ZNF554: variants seen among roughly 807,000 people sequenced by gnomAD.
The protein encoded by ZNF554 is zinc finger protein 554.
ZNF554 carries 15 observed loss-of-function variants against 21.2 expected under a neutral mutation model. The observed-to-expected ratio is 0.71, with a 90% CI of 0.47 to 1.09. The LOEUF is 1.09. Ranked by LOEUF, ZNF554 falls within the 50% of genes least tolerant of loss-of-function variation. The pLI is 0.00. For synonymous variants in ZNF554, 258 were observed against 251.4 expected, an observed-to-expected ratio of 1.03 and a Z score of -0.25; for missense variants, 691 against 662.7, an observed-to-expected ratio of 1.04 and a Z score of -0.47.
intron 2 of ZNF554, among the ~76,000 whole-genome samples, chr19:2,824,569 A>G (rs1350952402): frequency 2.0e-5 from 3 of 152,252 alleles, no homozygotes; most frequent in Admixed American, 6.5e-5. Flanking sequence ...GATAAAACAC[A>G]CATGAAATAC....
chr19:2,826,822 C>T (rs770355406), intron 2 of ZNF554, among the ~76,000 whole-genome samples: 14 of 151,946 alleles, frequency 9.2e-5, no homozygotes, highest in Admixed American at 4.6e-4. Flanking sequence ...CCATCATGCC[C>T]GGCTAATTTT....
rs371773355 is a variant in ZNF554 at position 2,833,989 on chromosome 19, A to G, written c.754A>G (p.Thr252Ala). Residue 252 changes from threonine to alanine, a missense_variant, in exon 5 of 5, where the codon ACA (threonine) becomes GCA (alanine). By Grantham distance (58) the Thr-to-Ala change is moderately conservative. Coordinates refer to ENST00000317243, the MANE Select transcript of ZNF554 (RefSeq NM_001102651.2). ...NHLCGSELDI[T>A]SLASDSVLNH... ...CTTGTGTGGCAGCGAGTTAGATATT[A>G]CAAGCTTGGCATCCGATTCAGTCTT... The G allele has an allele frequency of 6.2e-7, 1 of 1,614,032 alleles. No homozygotes were observed. The highest frequency in any genetic ancestry group is 8.5e-7 in the Non-Finnish European group (1 of 1,180,054).
At chr19:2,823,133 C>T (rs1460469592) in intron 2 of ZNF554, 21 bp downstream of exon 2, 1 of 1,607,716 alleles carries the variant, frequency 6.2e-7, no homozygotes. Context: ...CTCATTCTCC[C>T]AAAGGGCACC....
At position 2,834,890 on chromosome 19, in the gene ZNF554, C is replaced by CT. The variant is rs2087480014; in HGVS notation, c.*39dup. 5 of 1,509,814 alleles carry CT rather than the reference C, an allele frequency of 3.3e-6. No individual in the cohort carries two copies. The highest frequency in any genetic ancestry group is 4.5e-6 in the Non-Finnish European group (5 of 1,118,338). 93.5% of individuals were successfully genotyped at this position (1,509,814 alleles called of 1,614,324 possible). On this transcript the variant is annotated 3_prime_UTR_variant, in exon 5 of 5. Transcript: ENST00000317243. ...GCTTTGTAAGCCACTTTTTAGTACT[C>CT]TGACACATACATGTGGTTATCTTTT...
At chr19:2,833,539 C>T (rs975139879) in intron 4 of ZNF554, 142 bp from the exon 5 acceptor site, 3 of 632,704 alleles carry the variant, frequency 4.7e-6, no homozygotes, top group Non-Finnish European at 7.5e-6. Context: ...CTCTTTTTCC[C>T]ATCCTTCCCG....
At chr19:2,827,861 G>A in intron 3 of ZNF554, 118 bp downstream of exon 3, 1 of 1,290,824 alleles carries the variant, frequency 7.7e-7, no homozygotes, top group South Asian at 1.4e-5. Flanking sequence ...AAAGGAAAGG[G>A]GGTTTAATGG....
At chr19:2,824,159 T>A (rs2087298050) in intron 2 of ZNF554, among the ~76,000 whole-genome samples, 1 of 152,134 alleles carries the variant, frequency 6.6e-6, no homozygotes, top group Non-Finnish European at 1.5e-5. Context: ...GTCCTGCGCC[T>A]GGGAGGACAG....
rs879180341 is a variant in ZNF554, at chr19:2,822,944, C to A, written c.54-96C>A. 8 of 1,301,898 alleles carry A rather than the reference C, an allele frequency of 6.1e-6. No individual in the cohort carries two copies. In the South Asian group the frequency reaches 1.1e-4, roughly 17 times the overall value. 80.6% of individuals were successfully genotyped at this position (1,301,898 alleles called of 1,614,324 possible). Reference sequence around the variant, plus strand: ...TTTACCTCCCTCTGTGTATGGGGGGCCCCTTCAAGCAAATGGAGGTTCTCC... The same window carrying A: ...TTTACCTCCCTCTGTGTATGGGGGGACCCTTCAAGCAAATGGAGGTTCTCC... On this transcript the variant is annotated intron_variant, in intron 1 of 4. Transcript: ENST00000317243.
Position 2,819,995 on chromosome 19 carries a change from A to G in ZNF554, c.-77A>G. On this transcript the variant is annotated 5_prime_UTR_variant, in exon 1 of 5. Coordinates refer to ENST00000317243, the MANE Select transcript of ZNF554 (RefSeq NM_001102651.2). The stretch of plus-strand genomic sequence containing the variant: ...CGAGCGGAGGAGGCGTCCCAGGGAC[A>G]CGCAGGGGAGGCCGGCCGGCCTGCA... 2 of 1,111,090 alleles carry G rather than the reference A, an allele frequency of 1.8e-6. No individual in the cohort carries two copies. Among genetic ancestry groups the G allele is most frequent in the Non-Finnish European group, 2.2e-6 (2 of 889,900 alleles). 68.8% of individuals were successfully genotyped at this position (1,111,090 alleles called of 1,614,324 possible).
chr19:2,832,068 G>A (rs1280356677), intron 3 of ZNF554: 4 of 313,500 alleles, frequency 1.3e-5, no homozygotes, highest in African/African-American at 8.7e-5. Flanking sequence ...TGGGGTTACA[G>A]GCATGCACCA....
At position 2,827,701 on chromosome 19, in the gene ZNF554, A is replaced by G. The variant is rs2087354233; in HGVS notation, c.211A>G (p.Arg71Gly). 6.2e-7 allele frequency: 1 copy of G among 1,614,104 alleles called. No homozygotes were observed. The highest frequency in any genetic ancestry group is 8.5e-7 in the Non-Finnish European group (1 of 1,179,988). The change falls in exon 3 of 5, where the codon AGA (arginine) becomes GGA (glycine). Residue 71 changes from arginine to glycine, a missense_variant. Arg to Gly is a moderately radical substitution (Grantham distance 125). Coordinates refer to ENST00000317243, the MANE Select transcript of ZNF554 (RefSeq NM_001102651.2). ...GGAGCCTGCTCAGAAGAACCTGTAC[A>G]GAGAGGTGATGCTGGAGAACTACAG... ...LLEPAQKNLY[R>G]EVMLENYRNV...
rs754079435 is a variant in ZNF554, at chr19:2,821,660, C to G, written c.54-1380C>G. On this transcript the variant is annotated intron_variant, in intron 1 of 4. Coordinates refer to ENST00000317243, the MANE Select transcript of ZNF554 (RefSeq NM_001102651.2). This position sits in a 1 kb window ranked among gnomAD's most constrained non-coding sequence, Gnocchi z 8.2. ...GCCTTCTTCCCTGTGTCTCTTTCTC[C>G]TTTTTTGTTTTTATTTTTATTTTTT... is the stretch of plus-strand genomic sequence containing the variant. 1.3e-5 allele frequency among the ~76,000 whole-genome samples: 2 copies of G among 151,184 alleles called. No homozygotes were observed. Among genetic ancestry groups the G allele is most frequent in the Admixed American group, 6.6e-5 (1 of 15,234 alleles).
chr19:2,827,691 G>C lies in ZNF554; in HGVS notation c.201G>C (p.Lys67Asn). The part of the protein sequence containing the change: ...EEWELLEPAQ[K>N]NLYREVMLEN... Reference sequence around the variant, plus strand: ...GGGAGTTGCTGGAGCCTGCTCAGAAGAACCTGTACAGAGAGGTGATGCTGG... The same window carrying C: ...GGGAGTTGCTGGAGCCTGCTCAGAACAACCTGTACAGAGAGGTGATGCTGG... The change falls in exon 3 of 5, where the codon AAG becomes AAC. Residue 67 changes from lysine (K) to asparagine (N), a missense_variant. Physicochemically the swap from Lys to Asn is moderately conservative, Grantham distance 94. Coordinates refer to ENST00000317243, the MANE Select transcript of ZNF554 (RefSeq NM_001102651.2). The C allele has an allele frequency of 6.2e-7, 1 of 1,614,148 alleles. No homozygotes were observed. The highest frequency in any genetic ancestry group is 8.5e-7 in the Non-Finnish European group (1 of 1,179,998).
chr19:2,825,151 T>C (rs2087315436), intron 2 of ZNF554, among the ~76,000 whole-genome samples: 1 of 152,080 alleles, frequency 6.6e-6, no homozygotes, highest in South Asian at 2.1e-4. Flanking sequence ...TAGTTGGGAT[T>C]ATGGGCATGT....
rs1322152640 is a variant in ZNF554, at chr19:2,820,044, C to G, written c.-28C>G. 8.3e-7 allele frequency: 1 copy of G among 1,203,668 alleles called. No homozygotes were observed. Among genetic ancestry groups the G allele is most frequent in the Non-Finnish European group, 1.0e-6 (1 of 969,600 alleles). 74.6% of individuals were successfully genotyped at this position (1,203,668 alleles called of 1,614,324 possible). On this transcript the variant is annotated 5_prime_UTR_variant, in exon 1 of 5. Transcript: ENST00000317243. ...CACGGGGCGCTCCCGCCTCGGGGGCCCTGTCTGGCGCCTCAGCGCGCGCCC... is the reference window on the plus strand; with the variant it reads ...CACGGGGCGCTCCCGCCTCGGGGGCGCTGTCTGGCGCCTCAGCGCGCGCCC...
In ZNF554 at chr19:2,821,929, C is replaced by T. The variant is rs1376777304; in HGVS notation, c.54-1111C>T. Among the ~76,000 whole-genome samples, 1 of 152,096 alleles carries T rather than the reference C, an allele frequency of 6.6e-6. No individual in the cohort carries two copies. The highest frequency in any genetic ancestry group is 2.4e-5 in the African/African-American group (1 of 41,408). ...CTGCCCGCCTTGGCCTTTCAAAATGCTGGGATTACAGACGTGAGTCACCTA... is the reference window on the plus strand; with the variant it reads ...CTGCCCGCCTTGGCCTTTCAAAATGTTGGGATTACAGACGTGAGTCACCTA... On this transcript the variant is annotated intron_variant, in intron 1 of 4. Coordinates refer to ENST00000317243, the MANE Select transcript of ZNF554 (RefSeq NM_001102651.2). The surrounding 1 kb of genome is among the most constrained non-coding windows in gnomAD (Gnocchi z 8.2).
At chr19:2,833,647 C>T (rs750505501) in intron 4 of ZNF554, 34 bp from the exon 5 acceptor site, 1 of 1,499,146 alleles carries the variant, frequency 6.7e-7, no homozygotes, top group Non-Finnish European at 8.9e-7. Flanking sequence ...GTTTCTTCTT[C>T]TAAAAAAATG....
At position 2,834,501 on chromosome 19, in the gene ZNF554, C is replaced by T. The variant is rs2087470785; in HGVS notation, c.1266C>T (p.Tyr422=). Residue 422 remains tyrosine, a synonymous_variant, in exon 5 of 5, where the codon TAC becomes TAT. Transcript: ENST00000317243. ...DCGKSFCQSS[Y]LILHKRTHTG... is the part of the protein sequence containing the mutation. ...GGAAATCCTTCTGCCAGAGCTCTTACCTGATCTTGCACAAGAGGACACACA... is the reference window on the plus strand; with the variant it reads ...GGAAATCCTTCTGCCAGAGCTCTTATCTGATCTTGCACAAGAGGACACACA... 6.2e-7 allele frequency: 1 copy of T among 1,614,014 alleles called. No homozygotes were observed. Among genetic ancestry groups the T allele is most frequent in the African/African-American group, 1.3e-5 (1 of 74,916 alleles).
intron 2 of ZNF554, among the ~76,000 whole-genome samples, chr19:2,823,556 A>G (rs2087290675): frequency 1.3e-5 from 2 of 152,068 alleles, no homozygotes; most frequent in South Asian, 4.2e-4. Flanking sequence ...GAGGCCTAGG[A>G]GAGGGTGGCT....
Sources: gnomAD v4.1 joint callset for allele counts (sites outside exome capture counted in the v4.1 genomes callset) on GRCh38, gnomAD v4.1.1 for gene constraint, Gnocchi (gnomAD v3.1) non-coding constraint, MANE v1.5 for transcripts, NCBI Gene and HGNC (gene_info 2026-07-23, HGNC 2026-07-21) for gene names.